The following MEOX1 variants were observed in gnomAD, a reference collection of about 807,000 sequenced individuals.
MEOX1 encodes mesenchyme homeobox 1.
A neutral mutation model predicts 23.2 loss-of-function variants in MEOX1; 17 were observed. That is an observed-to-expected ratio of 0.73 (90% CI 0.50 to 1.10). The LOEUF (loss-of-function observed/expected upper bound fraction) is 1.10. Among genes scored for constraint, MEOX1 ranks in the 50% least tolerant of loss-of-function variants. MEOX1 has a pLI of 0.00. For synonymous variants in MEOX1, 134 were observed against 135.1 expected, an observed-to-expected ratio of 0.99 and a Z score of 0.06; for missense variants, 333 against 332.2, an observed-to-expected ratio of 1.00 and a Z score of -0.02.
At chr17:43,650,064 C>T (rs1202767848) in intron 1 of MEOX1, among the ~76,000 whole-genome samples, 2 of 152,198 alleles carry the variant, frequency 1.3e-5, no homozygotes, top group Admixed American at 1.3e-4. Context: ...CAGTCCAACT[C>T]TGAGGGCACC....
At chr17:43,644,864 G>C (rs1972772716) in intron 1 of MEOX1, among the ~76,000 whole-genome samples, 1 of 152,088 alleles carries the variant, frequency 6.6e-6, no homozygotes, top group Non-Finnish European at 1.5e-5. Context: ...TACAGTGAGC[G>C]GAGATCACGC....
At chr17:43,656,471 G>T (rs1036351233) in intron 1 of MEOX1, among the ~76,000 whole-genome samples, 4 of 152,142 alleles carry the variant, frequency 2.6e-5, no homozygotes, top group African/African-American at 7.2e-5. Flanking sequence ...CCTATTTGTG[G>T]AGTTTTATAC....
chr17:43,648,840 C>G (rs1351540778), intron 1 of MEOX1, among the ~76,000 whole-genome samples: 1 of 152,176 alleles, frequency 6.6e-6, no homozygotes, highest in Non-Finnish European at 1.5e-5. Flanking sequence ...CTTCCCACAG[C>G]TCAATGATCA....
intron 2 of MEOX1, among the ~76,000 whole-genome samples, chr17:43,642,637 G>C (rs1210952406): frequency 6.6e-6 from 1 of 151,874 alleles, no homozygotes; most frequent in East Asian, 1.9e-4. Context: ...CTATTATTCC[G>C]TATCAGAGCA....
intron 1 of MEOX1, among the ~76,000 whole-genome samples, chr17:43,645,076 T>TA (rs1555566470): frequency 5.3e-5 from 8 of 151,854 alleles, no homozygotes; most frequent in Admixed American, 5.2e-4. Flanking sequence ...ACCACACACT[T>TA]ACACAATTAA....
chr17:43,643,147 A>T (rs1162852735), intron 2 of MEOX1, among the ~76,000 whole-genome samples: 1 of 73,830 alleles, frequency 1.4e-5, no homozygotes, highest in Non-Finnish European at 2.4e-5. Context: ...CGCCTCTACT[A>T]AAAAAAAAAA....
In MEOX1 at chr17:43,643,509, G is replaced by A. The variant is rs754113524; in HGVS notation, c.621C>T (p.Asn207=). Residue 207 remains asparagine (N), a synonymous_variant, in exon 2 of 3, where the codon AAC becomes AAT. Transcript: ENST00000318579. The part of the protein sequence containing the change: ...TRLRRYEIAV[N]LDLSERQVKV... ...GCACCTGGCGCTCAGAGAGGTCCAG[G>A]TTTACCGCAATCTCATATCTGCGGA... 1.5e-5 allele frequency: 24 copies of A among 1,600,046 alleles called. No homozygotes were observed. The highest frequency in any genetic ancestry group is 2.0e-5 in the Non-Finnish European group (23 of 1,173,532).
At chr17:43,648,201 G>A (rs1397688243) in intron 1 of MEOX1, among the ~76,000 whole-genome samples, 2 of 152,212 alleles carry the variant, frequency 1.3e-5, no homozygotes, top group Non-Finnish European at 2.9e-5. Context: ...GGGCGCAGGT[G>A]GCTCAGGCCT....
At chr17:43,644,894 C>T (rs1011067492) in intron 1 of MEOX1, among the ~76,000 whole-genome samples, 15 of 152,010 alleles carry the variant, frequency 9.9e-5, no homozygotes, top group Admixed American at 5.2e-4. Flanking sequence ...CCAGCCTGGG[C>T]GACAGAGCAA....
intron 1 of MEOX1, among the ~76,000 whole-genome samples, chr17:43,648,474 A>AG (rs1289717102): frequency 1.3e-5 from 2 of 151,812 alleles, no homozygotes; most frequent in Non-Finnish European, 2.9e-5. Context: ...CTCAAAAAAA[A>AG]AAAAAAAAAG....
At chr17:43,643,838 G>A (rs962184867) in intron 1 of MEOX1, among the ~76,000 whole-genome samples, 178 bp from the exon 2 acceptor site, 2 of 151,928 alleles carry the variant, frequency 1.3e-5, no homozygotes, top group Non-Finnish European at 2.9e-5. Flanking sequence ...TTAGAATTGG[G>A]AAGATTTTTT....
rs1240559996 is a variant in MEOX1 at position 43,661,650 on chromosome 17, C to G, written c.-116G>C. 2.7e-5 allele frequency: 14 copies of G among 520,006 alleles called. No homozygotes were observed. Among genetic ancestry groups the G allele is most frequent in the African/African-American group, 2.4e-4 (12 of 49,448 alleles). 32.2% of individuals were successfully genotyped at this position (520,006 alleles called of 1,614,324 possible). A position where few individuals can be genotyped will look rare whatever the true frequency, so the allele number is the denominator to read the frequency against. Reference sequence around the variant, plus strand: ...CTAAATAGGAGGGAAAAATGTTCAACAGAAAATTTACCCCAGGAACCAAAA... The same window carrying G: ...CTAAATAGGAGGGAAAAATGTTCAAGAGAAAATTTACCCCAGGAACCAAAA... On this transcript the variant is annotated 5_prime_UTR_variant, in exon 1 of 3. Coordinates refer to ENST00000318579, the MANE Select transcript of MEOX1 (RefSeq NM_004527.4).
At chr17:43,657,378 G>A (rs1973059954) in intron 1 of MEOX1, among the ~76,000 whole-genome samples, 2 of 149,376 alleles carry the variant, frequency 1.3e-5, no homozygotes, top group Admixed American at 1.3e-4. Context: ...GTAGAGATAG[G>A]GTTTCACCAT....
intron 1 of MEOX1, among the ~76,000 whole-genome samples, chr17:43,647,901 G>A (rs28688781): frequency 0.14 from 21,959 of 152,152 alleles, 4,050 homozygotes; most frequent in African/African-American, 0.43. Context: ...TGGGTGGGAT[G>A]GATATTGGCT....
rs979183102 is a variant in MEOX1 at position 43,651,342 on chromosome 17, G to A, written c.470-7682C>T. ...TCAGAAAAAAAAGTCTGGTGCTATA[G>A]TCTTTGCTGAGAGTCCCAGGCGGGG... On this transcript the variant is annotated intron_variant, in intron 1 of 2. Coordinates refer to ENST00000318579, the MANE Select transcript of MEOX1 (RefSeq NM_004527.4). Among the ~76,000 whole-genome samples the A allele has an allele frequency of 3.9e-4, 60 of 152,232 alleles. 1 individual carries two copies. Among genetic ancestry groups the A allele is most frequent in the Middle Eastern group, 3.4e-3 (1 of 294 alleles).
At chr17:43,652,214 C>T (rs1207923248) in intron 1 of MEOX1, among the ~76,000 whole-genome samples, 2 of 152,154 alleles carry the variant, frequency 1.3e-5, no homozygotes, top group Non-Finnish European at 2.9e-5. Flanking sequence ...TGGACATGGA[C>T]TCGGGACAAG....
chr17:43,647,010 T>C (rs1972827009), intron 1 of MEOX1, among the ~76,000 whole-genome samples: 1 of 152,140 alleles, frequency 6.6e-6, no homozygotes, highest in Admixed American at 6.5e-5. Flanking sequence ...AATCTAAAAG[T>C]GCTGGACAAA....
chr17:43,651,757 G>A (rs796127111), intron 1 of MEOX1, among the ~76,000 whole-genome samples: 37 of 152,328 alleles, frequency 2.4e-4, no homozygotes, highest in African/African-American at 7.2e-4. Context: ...CCAAGTGCCC[G>A]TGATTTATTC....
Position 43,641,202 on chromosome 17 carries a change from T to G in MEOX1, c.*708A>C, listed in dbSNP as rs1480906530. 3 of 152,180 alleles carry G rather than the reference T, an allele frequency of 2.0e-5. 1 individual carries two copies. Among genetic ancestry groups the G allele is most frequent in the Admixed American group, 1.3e-4 (2 of 15,278 alleles). The allele number at this position is 152,180 out of a possible 1,614,324, so 9.4% of individuals were successfully genotyped here. On this transcript the variant is annotated 3_prime_UTR_variant, in exon 3 of 3. Coordinates refer to ENST00000318579, the MANE Select transcript of MEOX1 (RefSeq NM_004527.4). Reference sequence around the variant, plus strand: ...TCATTCTTGTCCACCCAGTCAAGCCTGTGTGGACGGGCCTATATGGGGACA... The same window carrying G: ...TCATTCTTGTCCACCCAGTCAAGCCGGTGTGGACGGGCCTATATGGGGACA...
Sources: allele counts gnomAD v4.1 joint callset (sites outside exome capture counted in the v4.1 genomes callset), GRCh38; gene constraint gnomAD v4.1.1; transcripts MANE v1.5; gene names NCBI Gene and HGNC (gene_info 2026-07-23, HGNC 2026-07-21).